Variants in CNTN5 observed in about 807,000 individuals in gnomAD.
The protein encoded by CNTN5 is contactin 5.
In CNTN5, 77 loss-of-function variants were observed where a neutral mutation model predicts 129.1. The observed-to-expected ratio is 0.60, with a 90% confidence interval of 0.50 to 0.72. CNTN5 has a LOEUF of 0.72. Among genes scored for constraint, CNTN5 ranks in the 30% least tolerant of loss-of-function variants. The pLI is 0.00. For synonymous variants in CNTN5, 509 were observed against 465.6 expected (o/e 1.09, Z -1.20); for missense variants, 1,478 against 1,328.8 (o/e 1.11, Z -1.75).
chr11:99,183,853 A>C (rs1014430308), intron 1 of CNTN5, among the ~76,000 whole-genome samples: 1 of 152,126 alleles, frequency 6.6e-6, no homozygotes, highest in Non-Finnish European at 1.5e-5. Context: ...AGTTTAACTC[A>C]ATATCTTAAC....
At chr11:99,654,966 T>C (rs916632720) in intron 3 of CNTN5, among the ~76,000 whole-genome samples, 1 of 152,072 alleles carries the variant, frequency 6.6e-6, no homozygotes, top group Non-Finnish European at 1.5e-5. Context: ...TCAACTTATA[T>C]GGGTTTAGAG....
chr11:100,263,260 A>C (rs1268525598), intron 17 of CNTN5, among the ~76,000 whole-genome samples: 1 of 152,152 alleles, frequency 6.6e-6, no homozygotes, highest in African/African-American at 2.4e-5. Context: ...AATGACCTCT[A>C]TTGACCTGTT....
chr11:100,021,074 T>A (rs1081365), intron 9 of CNTN5, among the ~76,000 whole-genome samples: 16 of 151,908 alleles, frequency 1.1e-4, no homozygotes, highest in Admixed American at 2.6e-4. Context: ...TGAATTTTTT[T>A]AAAATTTAGT....
At chr11:99,888,546 G>A (rs1349457786) in intron 6 of CNTN5, among the ~76,000 whole-genome samples, 1 of 152,126 alleles carries the variant, frequency 6.6e-6, no homozygotes, top group Non-Finnish European at 1.5e-5. Context: ...TACCATCGGG[G>A]AAACATCTGG....
At chr11:99,610,533 T>G (rs77916865) in intron 3 of CNTN5, among the ~76,000 whole-genome samples, 6,627 of 152,238 alleles carry the variant, frequency 0.044, 193 homozygotes, top group East Asian at 0.11. Context: ...TTGTAAGAAG[T>G]CGAACTATTA....
chr11:99,444,222 A>AAG (rs988488206), intron 2 of CNTN5, among the ~76,000 whole-genome samples: 1 of 151,650 alleles, frequency 6.6e-6, no homozygotes, highest in African/African-American at 2.4e-5. Flanking sequence ...GAGAGAGAGA[A>AAG]AGAGAGAGAG....
At chr11:100,035,285 C>G (rs1941925365) in intron 9 of CNTN5, among the ~76,000 whole-genome samples, 1 of 149,860 alleles carries the variant, frequency 6.7e-6, no homozygotes, top group Non-Finnish European at 1.5e-5. Context: ...CATGTCCCTA[C>G]AAAGGACATG....
rs1943544638 is a variant in CNTN5, at chr11:99,731,825, C to A, written c.56-87719C>A. On this transcript the variant is annotated intron_variant, in intron 3 of 24. Transcript: ENST00000524871. ...TCTTAAGGGCTAGACTGCAAATTGG[C>A]ACCACATCACTTCTCCCACATTCTG... Among the ~76,000 whole-genome samples, 3 of 152,170 alleles carry A rather than the reference C, an allele frequency of 2.0e-5. 1 individual carries two copies. The South Asian group carries it at 6.2e-4, about 32-fold the overall frequency.
At chr11:99,982,417 G>A (rs1281328354) in intron 8 of CNTN5, among the ~76,000 whole-genome samples, 2 of 152,082 alleles carry the variant, frequency 1.3e-5, no homozygotes, top group Non-Finnish European at 2.9e-5. Flanking sequence ...AAGACAGCTG[G>A]CAGGAGGCTG....
chr11:99,382,845 C>CCTTTTTTTTTTTT lies in CNTN5; in HGVS notation c.-71+57361_-71+57362insCTTTTTTTTTTTT, dbSNP rs1417732458. Among the ~76,000 whole-genome samples, 21 of 77,046 alleles carry CCTTTTTTTTTTTT rather than the reference C, an allele frequency of 2.7e-4. 2 individuals are homozygous for CCTTTTTTTTTTTT. In the East Asian group the frequency reaches 7.4e-3, roughly 27 times the overall value. 50.5% of individuals were successfully genotyped at this position (77,046 alleles called of 152,430 possible). A position where few individuals can be genotyped will look rare whatever the true frequency, so the allele number is the denominator to read the frequency against. ...ACATCTCACTAGTGTCTCTAAATAA[C>CCTTTTTTTTTTTT]TTTTTTTTTTTTTTTTTTTTTTTTT... On this transcript the variant is annotated intron_variant, in intron 2 of 24. Transcript: ENST00000524871.
chr11:100,326,056 A>G (rs1951781461), intron 21 of CNTN5, among the ~76,000 whole-genome samples: 1 of 152,218 alleles, frequency 6.6e-6, no homozygotes, highest in African/African-American at 2.4e-5. Flanking sequence ...GGAAGAGAAT[A>G]CAATAAAATC....
In CNTN5 at chr11:100,094,560, A is replaced by G. The variant is rs375668297; in HGVS notation, c.1580+20266A>G. On this transcript the variant is annotated intron_variant, in intron 13 of 24. Coordinates refer to ENST00000524871, the MANE Select transcript of CNTN5 (RefSeq NM_014361.4). Reference sequence around the variant, plus strand: ...AGTAAAGCCCTGATGTGTGTTGTGGAGGGGTGATTTAATTTTCTGGGTTCT... The same window carrying G: ...AGTAAAGCCCTGATGTGTGTTGTGGGGGGGTGATTTAATTTTCTGGGTTCT... Among the ~76,000 whole-genome samples, 1,065 of 152,068 alleles carry G rather than the reference A, an allele frequency of 7.0e-3. 11 individuals are homozygous for G. The highest frequency in any genetic ancestry group is 0.025 in the African/African-American group (1,017 of 41,504).
intron 2 of CNTN5, among the ~76,000 whole-genome samples, chr11:99,503,970 T>C (rs1480172336): frequency 6.6e-6 from 1 of 152,184 alleles, no homozygotes; most frequent in Non-Finnish European, 1.5e-5. Context: ...CAGTGATTTA[T>C]ATGTTACTTT....
intron 2 of CNTN5, among the ~76,000 whole-genome samples, chr11:99,391,216 C>T (rs185397409): frequency 1.3e-5 from 2 of 152,198 alleles, no homozygotes; most frequent in East Asian, 1.9e-4. Flanking sequence ...AAAAGCCTTA[C>T]TCTCAAATCT....
chr11:99,437,653 C>G (rs1943653415), intron 2 of CNTN5, among the ~76,000 whole-genome samples: 1 of 151,978 alleles, frequency 6.6e-6, no homozygotes, highest in South Asian at 2.1e-4. Context: ...TATGATGAAA[C>G]CCCATCGCTA....
intron 13 of CNTN5, among the ~76,000 whole-genome samples, chr11:100,081,950 A>C (rs1944382715): frequency 6.6e-6 from 1 of 152,186 alleles, no homozygotes. Flanking sequence ...AAAACTGAAA[A>C]TATTGCCAAT....
chr11:99,184,471 CT>C (rs1319195088), intron 1 of CNTN5, among the ~76,000 whole-genome samples: 1 of 152,078 alleles, frequency 6.6e-6, no homozygotes, highest in African/African-American at 2.4e-5. Context: ...ATCCTGCCAG[CT>C]TTCTTCCTCC....
chr11:99,661,366 C>A (rs1430615932), intron 3 of CNTN5, among the ~76,000 whole-genome samples: 1 of 152,076 alleles, frequency 6.6e-6, no homozygotes, highest in East Asian at 1.9e-4. Context: ...ACAGAGGGAC[C>A]TTGTTAATTT....
chr11:99,723,778 G>T (rs574450563), intron 3 of CNTN5, among the ~76,000 whole-genome samples: 2 of 143,236 alleles, frequency 1.4e-5, no homozygotes, highest in Non-Finnish European at 3.2e-5. Flanking sequence ...GTGTGCATGC[G>T]TGTGCATGCG....
Sources: allele counts gnomAD v4.1 joint callset (sites outside exome capture counted in the v4.1 genomes callset), GRCh38; gene constraint gnomAD v4.1.1; transcripts MANE v1.5; gene names NCBI Gene and HGNC (gene_info 2026-07-23, HGNC 2026-07-21).